The following ANKS1B variants were observed in gnomAD, a reference collection of about 807,000 sequenced individuals.
The protein encoded by ANKS1B is ankyrin repeat and sterile alpha motif domain containing 1B, also known as ankyrin repeat and sterile alpha motif domain-containing protein 1B.
Under a neutral mutation model 148.3 loss-of-function variants are expected in ANKS1B, and 36 were observed. The observed-to-expected ratio is 0.24, with a 90% CI of 0.19 to 0.32. The LOEUF is 0.32. Among genes scored for constraint, ANKS1B ranks in the 10% least tolerant of loss-of-function variants. ANKS1B has a pLI of 1.00. For synonymous variants in ANKS1B, 542 were observed against 560.8 expected (o/e 0.97, Z 0.47); for missense variants, 1,157 against 1,542.6 (o/e 0.75, Z 4.19).
intron 12 of ANKS1B, among the ~76,000 whole-genome samples, chr12:99,325,047 A>C (rs2086041835): frequency 6.6e-6 from 1 of 152,144 alleles, no homozygotes; most frequent in Non-Finnish European, 1.5e-5. Context: ...GTACCACATA[A>C]TGATATTTCA....
At chr12:98,865,080 G>C (rs1431660372) in intron 17 of ANKS1B, among the ~76,000 whole-genome samples, 1 of 152,114 alleles carries the variant, frequency 6.6e-6, no homozygotes, top group Non-Finnish European at 1.5e-5. Context: ...CCACCAGCCA[G>C]TACATATTCA....
intron 9 of ANKS1B, among the ~76,000 whole-genome samples, chr12:99,553,422 A>AATT (rs2097243713): frequency 6.6e-6 from 1 of 152,184 alleles, no homozygotes; most frequent in African/African-American, 2.4e-5. Flanking sequence ...CATTATTAAT[A>AATT]CTGTTGCTAT....
At chr12:99,079,522 C>T (rs1006001195) in intron 16 of ANKS1B, among the ~76,000 whole-genome samples, 1 of 152,096 alleles carries the variant, frequency 6.6e-6, no homozygotes, top group Non-Finnish European at 1.5e-5. Context: ...GAATACCAGA[C>T]GTCGCACTAA....
At chr12:99,785,631 C>T (rs1199464520) in intron 4 of ANKS1B, among the ~76,000 whole-genome samples, 1 of 152,034 alleles carries the variant, frequency 6.6e-6, no homozygotes, top group Non-Finnish European at 1.5e-5. Context: ...GGGGCTTTCA[C>T]CATGTTGACC....
intron 9 of ANKS1B, among the ~76,000 whole-genome samples, chr12:99,572,606 A>C (rs1003689133): frequency 1.8e-4 from 28 of 152,226 alleles, no homozygotes; most frequent in African/African-American, 6.0e-4. Context: ...CCTGCATTTT[A>C]GGTACTTGTG....
chr12:99,915,183 C>G (rs1028730662), intron 1 of ANKS1B, among the ~76,000 whole-genome samples: 1 of 146,986 alleles, frequency 6.8e-6, no homozygotes, highest in Non-Finnish European at 1.5e-5. Flanking sequence ...TGAGGTCGCA[C>G]CATTGCACTC....
At chr12:99,662,359 TG>T (rs2098481787) in intron 8 of ANKS1B, among the ~76,000 whole-genome samples, 1 of 152,220 alleles carries the variant, frequency 6.6e-6, no homozygotes, top group Non-Finnish European at 1.5e-5. Context: ...TGTGTGACTT[TG>T]GTTCAGTATC....
At chr12:98,767,405 C>T (rs913120723) in intron 25 of ANKS1B, among the ~76,000 whole-genome samples, 1 of 152,174 alleles carries the variant, frequency 6.6e-6, no homozygotes, top group Non-Finnish European at 1.5e-5. Context: ...GAAGAGGGAG[C>T]TCCGTCTCCC....
At chr12:99,520,345 C>A (rs1440230584) in intron 9 of ANKS1B, among the ~76,000 whole-genome samples, 1 of 152,154 alleles carries the variant, frequency 6.6e-6, no homozygotes, top group Non-Finnish European at 1.5e-5. Context: ...ACCAGATATA[C>A]TATTCCTGGG....
intron 4 of ANKS1B, among the ~76,000 whole-genome samples, chr12:99,793,733 G>C (rs1328279331): frequency 6.6e-6 from 1 of 151,960 alleles, no homozygotes; most frequent in Non-Finnish European, 1.5e-5. Context: ...AAAAAACTTT[G>C]AGAAAAATCT....
chr12:99,365,589 C>T (rs2092720946), intron 12 of ANKS1B, among the ~76,000 whole-genome samples: 1 of 152,110 alleles, frequency 6.6e-6, no homozygotes, highest in Non-Finnish European at 1.5e-5. Context: ...ATGGATGGAT[C>T]AGGGCCCTTA....
intron 1 of ANKS1B, among the ~76,000 whole-genome samples, chr12:99,869,137 TC>T (rs1333090571): frequency 1.3e-5 from 2 of 152,086 alleles, no homozygotes; most frequent in Non-Finnish European, 2.9e-5. Context: ...ACTGAAAATG[TC>T]AATTTCTCCA....
intron 11 of ANKS1B, among the ~76,000 whole-genome samples, chr12:99,429,977 A>C (rs949834543): frequency 6.6e-6 from 1 of 151,786 alleles, no homozygotes; most frequent in African/African-American, 2.4e-5. Flanking sequence ...AAAAATAAAA[A>C]ATAAAAATAA....
rs1342118164 is a variant in ANKS1B at position 99,534,903 on chromosome 12, GT to G, written c.1273-30263del. Among the ~76,000 whole-genome samples, 4 of 151,600 alleles carry G rather than the reference GT, an allele frequency of 2.6e-5. No individual in the cohort carries two copies. In the East Asian group the frequency reaches 7.8e-4, roughly 29 times the overall value. On this transcript the variant is annotated intron_variant, in intron 9 of 26. Coordinates refer to ENST00000683438, the MANE Select transcript of ANKS1B (RefSeq NM_001352186.2). ...TTTTTCTATTTTTAGTAGAGACGGGGTTTCACCATGTTAGCCAGGATGGTCT... is the reference window on the plus strand; with the variant it reads ...TTTTTCTATTTTTAGTAGAGACGGGGTTCACCATGTTAGCCAGGATGGTCT...
chr12:98,848,170 G>C (rs2099493544), intron 17 of ANKS1B, among the ~76,000 whole-genome samples: 2 of 152,160 alleles, frequency 1.3e-5, no homozygotes, highest in Admixed American at 1.3e-4. Flanking sequence ...CAATGACTTA[G>C]TATTTGTTAG....
At chr12:99,046,603 T>C (rs1453174453) in intron 17 of ANKS1B, among the ~76,000 whole-genome samples, 1 of 151,582 alleles carries the variant, frequency 6.6e-6, no homozygotes, top group Non-Finnish European at 1.5e-5. Context: ...ATGGAGACCA[T>C]CCTGGCTAAC....
intron 9 of ANKS1B, among the ~76,000 whole-genome samples, chr12:99,641,045 T>G (rs926394352): frequency 8.5e-5 from 13 of 152,106 alleles, no homozygotes; most frequent in Non-Finnish European, 4.4e-5. Context: ...TATACATACT[T>G]CCAGATTTTC....
intron 1 of ANKS1B, among the ~76,000 whole-genome samples, chr12:99,938,881 G>A (rs1186662315): frequency 6.6e-6 from 1 of 152,156 alleles, no homozygotes; most frequent in Non-Finnish European, 1.5e-5. Context: ...AAATTTGAAG[G>A]ATCAAGCGGC....
At chr12:98,935,329 G>A (rs1347099892) in intron 17 of ANKS1B, among the ~76,000 whole-genome samples, 1 of 152,092 alleles carries the variant, frequency 6.6e-6, no homozygotes, top group Non-Finnish European at 1.5e-5. Flanking sequence ...AATCCCACTT[G>A]GTTATGGTGT....
Sources: gnomAD v4.1 joint callset for allele counts (sites outside exome capture counted in the v4.1 genomes callset) on GRCh38, gnomAD v4.1.1 for gene constraint, MANE v1.5 for transcripts, NCBI Gene and HGNC (gene_info 2026-07-23, HGNC 2026-07-21) for gene names.